Variants in DGLUCY observed in about 807,000 individuals in gnomAD.
DGLUCY encodes D-glutamate cyclase, mitochondrial.
A neutral mutation model predicts 58.5 loss-of-function variants in DGLUCY; 58 were observed. The observed-to-expected ratio is 0.99, with a 90% CI of 0.80 to 1.23. The LOEUF (loss-of-function observed/expected upper bound fraction) is 1.23, where lower values mean the gene tolerates loss of function less well. Among genes scored for constraint, DGLUCY ranks in the 50% most tolerant of loss-of-function variants. DGLUCY has a pLI of 0.00. For missense variants in DGLUCY, 779 were observed against 784.7 expected (o/e 0.99, Z 0.09); for synonymous variants, 325 against 314.1 (o/e 1.03, Z -0.37).
chr14:91,152,408 TAAAG>T (rs141202383), intron 1 of DGLUCY, among the ~76,000 whole-genome samples: 56 of 152,054 alleles, frequency 3.7e-4, no homozygotes, highest in African/African-American at 7.2e-4. Context: ...AGAAAAAAAA[TAAAG>T]AAAGAAAATA....
At chr14:91,084,813 T>C (rs2044184759) in intron 1 of DGLUCY, among the ~76,000 whole-genome samples, 1 of 152,212 alleles carries the variant, frequency 6.6e-6, no homozygotes, top group African/African-American at 2.4e-5. Context: ...CAATGCCTTC[T>C]CCTGCCTGCA....
chr14:91,075,402 C>G (rs1185916605), intron 1 of DGLUCY, among the ~76,000 whole-genome samples: 1 of 152,136 alleles, frequency 6.6e-6, no homozygotes, highest in Non-Finnish European at 1.5e-5. Context: ...CTCAGCCTCC[C>G]AAAGTGCTGG....
At chr14:91,216,612 C>G (rs1886555724) in intron 13 of DGLUCY, among the ~76,000 whole-genome samples, 2 of 150,806 alleles carry the variant, frequency 1.3e-5, no homozygotes, top group Non-Finnish European at 2.9e-5. Context: ...TCACTGCACT[C>G]CAGCCTTGGA....
At chr14:91,081,274 AACAAGT>A (rs1245781651) in intron 1 of DGLUCY, among the ~76,000 whole-genome samples, 1 of 152,240 alleles carries the variant, frequency 6.6e-6, no homozygotes, top group Non-Finnish European at 1.5e-5. Context: ...GTTCTACACA[AACAAGT>A]ACAAGTGCCA....
At chr14:91,067,239 A>C (rs944437044) in intron 1 of DGLUCY, among the ~76,000 whole-genome samples, 1 of 139,366 alleles carries the variant, frequency 7.2e-6, no homozygotes, top group Non-Finnish European at 1.6e-5. Context: ...AAAGGGAACC[A>C]AAAAAAAAAA....
intron 1 of DGLUCY, among the ~76,000 whole-genome samples, chr14:91,115,835 C>T (rs1423414956): frequency 1.3e-5 from 2 of 152,170 alleles, no homozygotes; most frequent in African/African-American, 2.4e-5. Context: ...GAAAATTTCA[C>T]GCGTTGTGAA....
chr14:91,136,566 C>A (rs551231154), intron 1 of DGLUCY, among the ~76,000 whole-genome samples: 2 of 151,700 alleles, frequency 1.3e-5, no homozygotes. Flanking sequence ...AGCCTGTAAT[C>A]CCAGCCACTC....
intron 1 of DGLUCY, among the ~76,000 whole-genome samples, chr14:91,127,057 T>TTC (rs1393072312): frequency 1.4e-5 from 2 of 146,554 alleles, no homozygotes; most frequent in African/African-American, 5.0e-5. Context: ...GATACTCTTT[T>TTC]TTTTTTTTTT....
chr14:91,205,842 C>CTTTT lies in DGLUCY; in HGVS notation c.1564+1037_1564+1040dup, dbSNP rs36096639. ...TCCTCCTCCTCCCTTTCTTCTTCTT[C>CTTTT]TTTTTTTTTTTTTTTTTTTTTTTGA... On this transcript the variant is annotated intron_variant, in intron 12 of 13. Coordinates refer to ENST00000256324, the MANE Select transcript of DGLUCY (RefSeq NM_001102368.3). 4.9e-4 allele frequency among the ~76,000 whole-genome samples: 35 copies of CTTTT among 70,730 alleles called. 5 individuals are homozygous for CTTTT. Among genetic ancestry groups the CTTTT allele is most frequent in the African/African-American group, 1.5e-3 (24 of 15,998 alleles). The allele number at this position is 70,730 out of a possible 152,430, so 46.4% of individuals were successfully genotyped here.
chr14:91,183,620 C>T (rs921548666), intron 8 of DGLUCY, among the ~76,000 whole-genome samples: 1 of 152,160 alleles, frequency 6.6e-6, no homozygotes, highest in African/African-American at 2.4e-5. Context: ...AGCATTTATG[C>T]GTTTCATCTT....
intron 1 of DGLUCY, among the ~76,000 whole-genome samples, chr14:91,152,753 G>C (rs1412643818): frequency 6.6e-6 from 1 of 152,202 alleles, no homozygotes; most frequent in Non-Finnish European, 1.5e-5. Flanking sequence ...CTCTGGGGAA[G>C]TGATCCAGGG....
intron 11 of DGLUCY, among the ~76,000 whole-genome samples, chr14:91,201,877 AC>A (rs1352835562): frequency 1.3e-5 from 2 of 151,520 alleles, no homozygotes; most frequent in African/African-American, 4.8e-5. Context: ...ACATGGCACA[AC>A]CCCGTCTCTA....
At chr14:91,206,235 G>C (rs542368994) in intron 12 of DGLUCY, among the ~76,000 whole-genome samples, 11 of 152,118 alleles carry the variant, frequency 7.2e-5, no homozygotes, top group African/African-American at 2.7e-4. Context: ...ACGTAAGGGG[G>C]AGAGGACAAA....
chr14:91,162,504 C>T (rs955596619), intron 3 of DGLUCY, among the ~76,000 whole-genome samples: 2 of 152,156 alleles, frequency 1.3e-5, no homozygotes, highest in Non-Finnish European at 2.9e-5. Context: ...TATTCTGTGT[C>T]CTGTTACTAA....
intron 1 of DGLUCY, chr14:91,147,976 C>T (rs887707450): frequency 3.3e-5 from 5 of 152,088 alleles, no homozygotes; most frequent in African/African-American, 1.2e-4. Flanking sequence ...GAGTTCAAGA[C>T]CAGCCTGGCC....
intron 4 of DGLUCY, among the ~76,000 whole-genome samples, chr14:91,168,221 A>G (rs963193863): frequency 2.0e-5 from 3 of 152,010 alleles, no homozygotes; most frequent in Admixed American, 6.6e-5. Flanking sequence ...AGCCGAGATC[A>G]TGTCACTGCA....
chr14:91,143,186 C>G (rs1006210930), intron 1 of DGLUCY, among the ~76,000 whole-genome samples: 2 of 151,772 alleles, frequency 1.3e-5, no homozygotes, highest in African/African-American at 4.8e-5. Flanking sequence ...AGCTCTGCCT[C>G]CCGGGTTCAT....
At chr14:91,221,950 T>C (rs1332599694) in intron 13 of DGLUCY, among the ~76,000 whole-genome samples, 1 of 151,990 alleles carries the variant, frequency 6.6e-6, no homozygotes, top group African/African-American at 2.4e-5. Flanking sequence ...CCAGTGTGAC[T>C]TAATAGCAAG....
intron 1 of DGLUCY, among the ~76,000 whole-genome samples, chr14:91,136,353 T>C (rs1174535201): frequency 6.6e-6 from 1 of 152,158 alleles, no homozygotes; most frequent in Non-Finnish European, 1.5e-5. Context: ...ACAGATTTTC[T>C]TAATGAAAGT....
Sources: allele counts gnomAD v4.1 joint callset (sites outside exome capture counted in the v4.1 genomes callset), GRCh38; gene constraint gnomAD v4.1.1; transcripts MANE v1.5; gene names NCBI Gene and HGNC (gene_info 2026-07-23, HGNC 2026-07-21).